CCDC7: variants seen among roughly 807,000 people sequenced by gnomAD.
The protein encoded by CCDC7 is coiled-coil domain-containing protein 7.
Under a neutral mutation model 196.9 loss-of-function variants are expected in CCDC7, and 183 were observed. The observed-to-expected ratio is 0.93, with a 90% CI of 0.82 to 1.05. CCDC7 has a LOEUF of 1.05. Ranked by LOEUF, CCDC7 falls within the 50% of genes least tolerant of loss-of-function variation. The pLI is 0.00. For missense variants in CCDC7, 1,540 were observed against 1,482.2 expected (o/e 1.04, Z -0.64); for synonymous variants, 525 against 484.6 (o/e 1.08, Z -1.10).
chr10:32,605,260 C>A (rs571423492), intron 18 of CCDC7, among the ~76,000 whole-genome samples: 15 of 152,240 alleles, frequency 9.9e-5, no homozygotes. Flanking sequence ...GAACCACGAG[C>A]CAATTAAACC....
chr10:32,828,997 C>T (rs1343938351), intron 32 of CCDC7, among the ~76,000 whole-genome samples: 1 of 152,182 alleles, frequency 6.6e-6, no homozygotes, highest in Non-Finnish European at 1.5e-5. Flanking sequence ...ACACTTTGGG[C>T]TCCTCCTACC....
At chr10:32,772,173 G>T (rs376223536) in intron 28 of CCDC7, among the ~76,000 whole-genome samples, 25 of 152,172 alleles carry the variant, frequency 1.6e-4, no homozygotes, top group Non-Finnish European at 2.6e-4. Context: ...TGGGGAATGG[G>T]AGTGGTCTCA....
intron 24 of CCDC7, among the ~76,000 whole-genome samples, chr10:32,698,042 C>T (rs980125600): frequency 6.6e-6 from 1 of 152,220 alleles, no homozygotes; most frequent in Admixed American, 6.5e-5. Context: ...GCAGCCTCCG[C>T]TGGTGATACC....
In CCDC7 at chr10:32,664,181, A is replaced by T. The variant is rs1260757068; in HGVS notation, c.2122+20A>T. On this transcript the variant is annotated intron_variant, in intron 21 of 41. Transcript: ENST00000639629. ...TCAGTAGTAAGTGTAATAATTGTAG[A>T]TAACCTTAAAATAATTTAAGATTTA... The T allele has an allele frequency of 2.5e-6, 1 of 394,402 alleles. No homozygotes were observed. Among genetic ancestry groups the T allele is most frequent in the Non-Finnish European group, 4.5e-6 (1 of 222,998 alleles). The allele number at this position is 394,402 out of a possible 1,614,324, so 24.4% of individuals were successfully genotyped here.
At chr10:32,564,178 T>C (rs934566632) in intron 13 of CCDC7, among the ~76,000 whole-genome samples, 4 of 152,046 alleles carry the variant, frequency 2.6e-5, no homozygotes, top group African/African-American at 9.7e-5. Flanking sequence ...TGTGGAGAAA[T>C]AGGAACACTT....
At position 32,703,853 on chromosome 10, in the gene CCDC7, T is replaced by G. The variant is rs139815463; in HGVS notation, c.2459-7767T>G. On this transcript the variant is annotated intron_variant, in intron 24 of 41. Transcript: ENST00000639629. The stretch of plus-strand genomic sequence containing the variant: ...TCGTCACGTAGTTCTCGTGCCTTGG[T>G]TTTCAGCTCCATCATGTCCTTTAAG... 6.0e-3 allele frequency among the ~76,000 whole-genome samples: 908 copies of G among 152,252 alleles called. 9 individuals carry two copies. The highest frequency in any genetic ancestry group is 0.021 in the African/African-American group (866 of 41,578).
chr10:32,624,046 A>G (rs1268128151), intron 18 of CCDC7, among the ~76,000 whole-genome samples: 2 of 152,164 alleles, frequency 1.3e-5, no homozygotes, highest in African/African-American at 4.8e-5. Flanking sequence ...CATATCAGTT[A>G]TTCAGTCTGA....
At chr10:32,630,336 G>GTA (rs60352226) in intron 18 of CCDC7, among the ~76,000 whole-genome samples, 13,304 of 151,766 alleles carry the variant, frequency 0.088, 840 homozygotes, top group East Asian at 0.33. Context: ...GTGTATATAT[G>GTA]TATATATATG....
intron 31 of CCDC7, among the ~76,000 whole-genome samples, chr10:32,821,288 C>T (rs1161635726): frequency 5.3e-5 from 8 of 151,874 alleles, no homozygotes; most frequent in African/African-American, 9.7e-5. Flanking sequence ...GTTAGAATGG[C>T]GATCATTAAA....
At chr10:32,605,403 G>C (rs554196509) in intron 18 of CCDC7, among the ~76,000 whole-genome samples, 1 of 152,316 alleles carries the variant, frequency 6.6e-6, no homozygotes, top group African/African-American at 2.4e-5. Context: ...CAACTTTGGA[G>C]CTGCGTAACA....
intron 16 of CCDC7, among the ~76,000 whole-genome samples, chr10:32,574,863 A>T (rs947800072): frequency 2.6e-5 from 4 of 151,944 alleles, no homozygotes; most frequent in African/African-American, 9.7e-5. Context: ...GAACATGTCC[A>T]TTTTTTTTCT....
At chr10:32,452,613 A>T (rs1460098999) in intron 1 of CCDC7, among the ~76,000 whole-genome samples, 1 of 152,180 alleles carries the variant, frequency 6.6e-6, no homozygotes, top group African/African-American at 2.4e-5. Context: ...GCATGCCACC[A>T]TGCCTGGCTA....
chr10:32,731,058 CTA>C (rs2083883790), intron 28 of CCDC7, among the ~76,000 whole-genome samples: 1 of 152,036 alleles, frequency 6.6e-6, no homozygotes, highest in Non-Finnish European at 1.5e-5. Flanking sequence ...AATTATCCCA[CTA>C]TGTGGATTTA....
chr10:32,518,001 A>T, intron 10 of CCDC7, 26 bp downstream of exon 11: 1 of 1,553,406 alleles, frequency 6.4e-7, no homozygotes, highest in Non-Finnish European at 8.7e-7. Flanking sequence ...TCAATTTGAA[A>T]TTACACTTTG....
At chr10:32,787,629 A>G (rs2082073907) in intron 29 of CCDC7, among the ~76,000 whole-genome samples, 2 of 152,118 alleles carry the variant, frequency 1.3e-5, no homozygotes, top group South Asian at 2.1e-4. Flanking sequence ...GTAAAATCCA[A>G]TGCCAGCCAG....
chr10:32,840,217 G>T (rs1313127116), intron 33 of CCDC7, among the ~76,000 whole-genome samples: 1 of 151,652 alleles, frequency 6.6e-6, no homozygotes, highest in African/African-American at 2.4e-5. Context: ...CAAAAAGCTG[G>T]TTATTTGAAA....
At chr10:32,858,761 G>T (rs897974722) in intron 41 of CCDC7, among the ~76,000 whole-genome samples, 1 of 151,932 alleles carries the variant, frequency 6.6e-6, no homozygotes, top group African/African-American at 2.4e-5. Flanking sequence ...AAAAAACCAG[G>T]GATTGCAATC....
chr10:32,847,829 A>G lies in CCDC7; in HGVS notation c.3689-4A>G, dbSNP rs746472154. The G allele has an allele frequency of 5.7e-6, 9 of 1,592,794 alleles. No homozygotes were observed. Among genetic ancestry groups the G allele is most frequent in the South Asian group, 5.6e-5 (5 of 89,306 alleles). ...GTGTTTTGAAATGTGTTTTATGTCTATAGAGACTGATGTAGAACCCTTGAC... is the reference window on the plus strand; with the variant it reads ...GTGTTTTGAAATGTGTTTTATGTCTGTAGAGACTGATGTAGAACCCTTGAC... On this transcript the variant is annotated splice_region_variant and splice_polypyrimidine_tract_variant and intron_variant, in intron 37 of 41. Coordinates refer to ENST00000639629, the Ensembl canonical transcript of CCDC7.
At chr10:32,609,696 G>T (rs11008996) in intron 18 of CCDC7, among the ~76,000 whole-genome samples, 13,556 of 152,060 alleles carry the variant, frequency 0.089, 861 homozygotes, top group East Asian at 0.33. Flanking sequence ...CTGTATAATG[G>T]GGCAAATTTC....
Sources: gnomAD v4.1 joint callset for allele counts (sites outside exome capture counted in the v4.1 genomes callset) on GRCh38, gnomAD v4.1.1 for gene constraint, MANE v1.5 for transcripts, NCBI Gene and HGNC (gene_info 2026-07-23, HGNC 2026-07-21) for gene names.